The following EMB variants were observed in gnomAD, a reference collection of about 807,000 sequenced individuals.
The protein encoded by EMB is embigin.
A neutral mutation model predicts 41.4 loss-of-function variants in EMB; 31 were observed. The observed-to-expected ratio is 0.75, with a 90% CI of 0.56 to 1.01. The LOEUF is 1.01. Among genes scored for constraint, EMB ranks in the 50% least tolerant of loss-of-function variants. The pLI is 0.00. For synonymous variants in EMB, 137 were observed against 140.4 expected (o/e 0.98, Z 0.17); for missense variants, 379 against 388.3 (o/e 0.98, Z 0.20).
rs190114372 is a variant in EMB at position 50,400,327 on chromosome 5, A to C, written c.912-414T>G. Reference sequence around the variant, plus strand: ...GTTAAAAATGGTTCTTTTTCCACCCAAAGTTTATCAGAGCAGGACTACAAA... The same window carrying C: ...GTTAAAAATGGTTCTTTTTCCACCCCAAGTTTATCAGAGCAGGACTACAAA... On this transcript the variant is annotated intron_variant, in intron 7 of 8. Transcript: ENST00000303221. 6.6e-5 allele frequency among the ~76,000 whole-genome samples: 10 copies of C among 152,132 alleles called. No individual in the cohort carries two copies. In the East Asian group the frequency reaches 1.7e-3, roughly 27 times the overall value.
In EMB at chr5:50,399,274, C is replaced by T. The variant is rs1222729563; in HGVS notation, c.983G>A (p.Ter328=). The T allele has an allele frequency of 1.9e-6, 3 of 1,607,744 alleles. No homozygotes were observed. Among genetic ancestry groups the T allele is most frequent in the African/African-American group, 2.7e-5 (2 of 74,524 alleles). The change falls in exon 9 of 9, where the codon TGA becomes TAA. Residue 328 remains the stop codon, a stop_retained_variant. Coordinates refer to ENST00000303221, the MANE Select transcript of EMB (RefSeq NM_198449.3). ...RHRKNESLGQ[*] ...GATTCTCGACATGATGTTTTGTATT[C>T]ACTGGCCCAGAGACTCCTGAGTTAA... is the stretch of plus-strand genomic sequence containing the variant.
At chr5:50,410,718 C>G (rs1176242553) in intron 4 of EMB, among the ~76,000 whole-genome samples, 159 bp downstream of exon 4, 1 of 152,090 alleles carries the variant, frequency 6.6e-6, no homozygotes, top group African/African-American at 2.4e-5. Flanking sequence ...GATACAAGAC[C>G]ATTTTCAAGG....
chr5:50,412,687 C>T (rs1381504910), intron 2 of EMB, among the ~76,000 whole-genome samples: 1 of 152,072 alleles, frequency 6.6e-6, no homozygotes, highest in African/African-American at 2.4e-5. Context: ...TTATTAAATA[C>T]GCTTTTTGTT....
intron 1 of EMB, among the ~76,000 whole-genome samples, chr5:50,440,475 G>A (rs1745880684): frequency 6.8e-6 from 1 of 146,546 alleles, no homozygotes; most frequent in Admixed American, 7.0e-5. Flanking sequence ...GGAGGTTGCG[G>A]TGAGCCGAGA....
intron 2 of EMB, among the ~76,000 whole-genome samples, chr5:50,426,775 G>A (rs1745616909): frequency 6.6e-6 from 1 of 151,514 alleles, no homozygotes; most frequent in Non-Finnish European, 1.5e-5. Context: ...ACAAATAGTA[G>A]GTTAAAAATC....
intron 2 of EMB, among the ~76,000 whole-genome samples, chr5:50,420,991 G>A (rs1745511843): frequency 6.6e-6 from 1 of 152,178 alleles, no homozygotes; most frequent in Non-Finnish European, 1.5e-5. Context: ...ATGTGATATA[G>A]AGGGGATTTA....
At chr5:50,440,563 C>T (rs1302352854) in intron 1 of EMB, among the ~76,000 whole-genome samples, 1 of 133,320 alleles carries the variant, frequency 7.5e-6, no homozygotes, top group East Asian at 2.3e-4. Context: ...AAAAAAAAAT[C>T]CTCAAAGCCA....
Position 50,441,028 on chromosome 5 carries a change from T to G in EMB, c.112+12A>C, listed in dbSNP as rs565599692. On this transcript the variant is annotated intron_variant, in intron 1 of 8. Transcript: ENST00000303221. ...TCCGCCCTCCCTACCCTGGACCCTG[T>G]ACCCATCACACCTGGGGCACTGCCG... The G allele has an allele frequency of 6.8e-5, 100 of 1,475,994 alleles. 1 individual carries two copies. In the Middle Eastern group the frequency reaches 7.1e-4, roughly 10 times the overall value. The allele number at this position is 1,475,994 out of a possible 1,614,324, so 91.4% of individuals were successfully genotyped here. A position where few individuals can be genotyped will look rare whatever the true frequency, so the allele number is the denominator to read the frequency against.
intron 2 of EMB, among the ~76,000 whole-genome samples, chr5:50,414,888 C>T (rs1036248379): frequency 6.6e-6 from 1 of 152,116 alleles, no homozygotes; most frequent in African/African-American, 2.4e-5. Context: ...AATGTTGGTG[C>T]CCATCAGGAT....
Position 50,399,874 on chromosome 5 carries a change from G to A in EMB, c.951C>T (p.Pro317=). 3 of 1,604,126 alleles carry A rather than the reference G, an allele frequency of 1.9e-6. No individual in the cohort carries two copies. Among genetic ancestry groups the A allele is most frequent in the Non-Finnish European group, 2.6e-6 (3 of 1,175,388 alleles). The change falls in exon 8 of 9, where the codon CCC becomes CCT. Residue 317 remains proline, a synonymous_variant. Coordinates refer to ENST00000303221, the MANE Select transcript of EMB (RefSeq NM_198449.3). ...DDSNGIENNV[P]RHRKNESLGQ is the part of the protein sequence containing the mutation. ...AGTAACTTACATTTTTTCTATGCCT[G>A]GGGACATTATTTTCTATACCATTGC... is the stretch of plus-strand genomic sequence containing the variant.
At chr5:50,436,440 T>C (rs1745804259) in intron 1 of EMB, among the ~76,000 whole-genome samples, 1 of 152,196 alleles carries the variant, frequency 6.6e-6, no homozygotes. Context: ...TGTATACTGC[T>C]AAACTGTCAT....
intron 2 of EMB, among the ~76,000 whole-genome samples, chr5:50,417,042 C>A (rs1745440958): frequency 6.6e-6 from 1 of 152,184 alleles, no homozygotes; most frequent in African/African-American, 2.4e-5. Flanking sequence ...AGAGCTGTAA[C>A]AACCCTGCCT....
At chr5:50,424,889 A>G (rs1745584779) in intron 2 of EMB, among the ~76,000 whole-genome samples, 1 of 152,148 alleles carries the variant, frequency 6.6e-6, no homozygotes, top group African/African-American at 2.4e-5. Context: ...ACTGATATTA[A>G]AAAAACAAAA....
chr5:50,409,850 A>C (rs1745306364), intron 4 of EMB, among the ~76,000 whole-genome samples: 1 of 152,162 alleles, frequency 6.6e-6, no homozygotes, highest in African/African-American at 2.4e-5. Flanking sequence ...AAAGAATGAT[A>C]CTAGTTTCTG....
chr5:50,416,136 T>A (rs1745427942), intron 2 of EMB, among the ~76,000 whole-genome samples: 4 of 152,176 alleles, frequency 2.6e-5, no homozygotes, highest in Admixed American at 2.6e-4. Flanking sequence ...AGCTCTACCT[T>A]TTTACATATT....
At chr5:50,407,131 A>G (rs1281598375) in intron 4 of EMB, among the ~76,000 whole-genome samples, 5 of 152,012 alleles carry the variant, frequency 3.3e-5, no homozygotes, top group Non-Finnish European at 7.4e-5. Context: ...TCTCTCAGAT[A>G]TCCTATTTCT....
Position 50,397,840 on chromosome 5 carries a change from T to A in EMB, c.*1433A>T, listed in dbSNP as rs1375633394. ...AGTTAAGATGCTTTACAACAAAATA[T>A]TGCATTTTGTTATAGCAACAAAGTA... On this transcript the variant is annotated 3_prime_UTR_variant, in exon 9 of 9. Transcript: ENST00000303221. 1 of 152,058 alleles carries A rather than the reference T, an allele frequency of 6.6e-6. No homozygotes were observed. 9.4% of individuals were successfully genotyped at this position (152,058 alleles called of 1,614,324 possible).
intron 7 of EMB, among the ~76,000 whole-genome samples, chr5:50,401,120 AG>A (rs1315122901): frequency 1.3e-5 from 2 of 152,076 alleles, no homozygotes; most frequent in Non-Finnish European, 2.9e-5. Context: ...CAGAAAGAGA[AG>A]GGATTCTCTT....
At chr5:50,439,665 G>A (rs1388372437) in intron 1 of EMB, among the ~76,000 whole-genome samples, 4 of 151,898 alleles carry the variant, frequency 2.6e-5, no homozygotes, top group Middle Eastern at 3.2e-3. Context: ...GGAAATCTGC[G>A]AAGGAACCCA....
Sources: allele counts gnomAD v4.1 joint callset (sites outside exome capture counted in the v4.1 genomes callset), GRCh38; gene constraint gnomAD v4.1.1; transcripts MANE v1.5; gene names NCBI Gene and HGNC (gene_info 2026-07-23, HGNC 2026-07-21).